The following ERAP1 variants were observed in gnomAD, a reference collection of about 807,000 sequenced individuals.
The protein encoded by ERAP1 is endoplasmic reticulum aminopeptidase 1.
ERAP1 carries 86 observed loss-of-function variants against 103.7 expected under a neutral mutation model. The observed-to-expected ratio is 0.83, with a 90% CI of 0.70 to 0.99. ERAP1 has a LOEUF of 0.99. ERAP1 is among the 50% of genes least tolerant of loss of function. The probability of loss-of-function intolerance (pLI) is 0.00; values close to 1 mark genes in which losing one functional copy is unlikely to be tolerated. For missense variants in ERAP1, 1,009 were observed against 1,128.4 expected (o/e 0.89, Z 1.52); for synonymous variants, 398 against 402.4 (o/e 0.99, Z 0.13).
the ERAP1 span, among the ~76,000 whole-genome samples, chr5:96,887,374 C>T: frequency 6.7e-6 from 1 of 149,556 alleles, no homozygotes; most frequent in South Asian, 2.1e-4. Context: ...TATCTCGGCT[C>T]ACTGCAATCT....
chr5:96,881,315 TG>T, the ERAP1 span: 1 of 425,704 alleles, frequency 2.3e-6, no homozygotes, highest in Admixed American at 2.5e-5. Context: ...GCCAGGCTAG[TG>T]GCAGTGCTTA....
At chr5:96,869,331 C>T in the ERAP1 span, among the ~76,000 whole-genome samples, 1 of 152,024 alleles carries the variant, frequency 6.6e-6, no homozygotes, top group Non-Finnish European at 1.5e-5. Flanking sequence ...CACCCTCTAC[C>T]CTCCACTGAC....
At chr5:96,907,951 T>G in the ERAP1 span, among the ~76,000 whole-genome samples, 1 of 152,074 alleles carries the variant, frequency 6.6e-6, no homozygotes, top group Non-Finnish European at 1.5e-5. Context: ...CCTTCCGTCT[T>G]CAGGTGAAAT....
In ERAP1 at chr5:96,792,123, A is replaced by ACACAGG; in HGVS notation, c.1252_1257dup (p.Pro418_Val419dup). The ACACAGG allele has an allele frequency of 6.2e-7, 1 of 1,614,078 alleles. No individual in the cohort carries two copies. The highest frequency in any genetic ancestry group is 8.5e-7 in the Non-Finnish European group (1 of 1,179,922). On this transcript the variant is annotated inframe_insertion, in exon 8 of 19. Transcript: ENST00000443439. ...TGAGCAGGATTTTCCACAGGTGTAG[A>ACACAGG]CACAGGGTGTGAGGAATTTAAAGCA...
the ERAP1 span, among the ~76,000 whole-genome samples, chr5:96,929,790 G>A: frequency 2.6e-5 from 4 of 152,092 alleles, no homozygotes; most frequent in African/African-American, 9.7e-5. Flanking sequence ...TTCTTGGTTT[G>A]TAATCCTAAT....
the ERAP1 span, among the ~76,000 whole-genome samples, chr5:96,874,823 A>C: frequency 6.6e-6 from 1 of 152,268 alleles, no homozygotes; most frequent in Non-Finnish European, 1.5e-5. Context: ...AAACCACAGC[A>C]GGACAAGGCA....
chr5:96,784,070 G>C lies in ERAP1; in HGVS notation c.1954C>G (p.Leu652Val), dbSNP rs752700125. 6.2e-7 allele frequency: 1 copy of C among 1,614,112 alleles called. No individual in the cohort carries two copies. The highest frequency in any genetic ancestry group is 2.2e-5 in the East Asian group (1 of 44,874). ...AAATCCAAGGCCTTTTCAATGGACA[G>C]CTTCCCAATGCTGACCAAGAGACAC... ...NAFQLVSIGK[L>V]SIEKALDLSL... The change falls in exon 14 of 19, where the codon CTG becomes GTG. Residue 652 changes from leucine to valine, a missense_variant. Leu to Val is a conservative substitution (Grantham distance 32). Coordinates refer to ENST00000443439, the MANE Select transcript of ERAP1 (RefSeq NM_001040458.3).
chr5:96,912,912 T>C, the ERAP1 span: 1 of 810,036 alleles, frequency 1.2e-6, no homozygotes. Context: ...TCAGAATGTG[T>C]ATGGCTTTAA....
intron 19 of ERAP1, chr5:96,766,170 C>T (rs770268273): frequency 2.7e-5 from 34 of 1,245,180 alleles, no homozygotes; most frequent in Non-Finnish European, 3.6e-5. Context: ...ATTGCTAGAT[C>T]GGATTTATGC....
intron 14 of ERAP1, 81 bp from the exon 15 acceptor site, chr5:96,783,316 T>C: frequency 1.5e-6 from 2 of 1,305,144 alleles, no homozygotes; most frequent in Non-Finnish European, 2.1e-6. Flanking sequence ...TGGTCTCAGA[T>C]GATGGGGGCT....
chr5:96,792,026 T>C, intron 8 of ERAP1, 35 bp downstream of exon 8: 1 of 1,612,034 alleles, frequency 6.2e-7, no homozygotes, highest in Non-Finnish European at 8.5e-7. Flanking sequence ...AACTTTAGTA[T>C]CTAAACTGTA....
chr5:96,805,440 T>C (rs1390023144), intron 1 of ERAP1, among the ~76,000 whole-genome samples: 2 of 151,784 alleles, frequency 1.3e-5, no homozygotes, highest in East Asian at 3.9e-4. Context: ...GCTTTCCCCC[T>C]TCAACTCTAT....
chr5:96,883,845 G>T, the ERAP1 span: 4 of 1,613,702 alleles, frequency 2.5e-6, no homozygotes, highest in South Asian at 4.4e-5. Context: ...GCTTTCCCTT[G>T]CTTTGATGAA....
upstream of ERAP1, among the ~76,000 whole-genome samples, chr5:96,810,403 C>T (rs1779084322): frequency 6.6e-6 from 1 of 152,172 alleles, no homozygotes; most frequent in South Asian, 2.1e-4. Context: ...TAAATGCTAG[C>T]TATGTGTGCA....
intron 17 of ERAP1, 46 bp downstream of exon 17, chr5:96,781,012 G>A: frequency 6.2e-7 from 1 of 1,610,640 alleles, no homozygotes; most frequent in Non-Finnish European, 8.5e-7. Flanking sequence ...AACACAGTAA[G>A]GTTATGAACT....
upstream of ERAP1, among the ~76,000 whole-genome samples, chr5:96,811,212 A>G (rs1779133762): frequency 6.6e-6 from 1 of 152,196 alleles, no homozygotes; most frequent in South Asian, 2.1e-4. Context: ...AACAAAAGCA[A>G]TACCATCTTA....
At chr5:96,926,356 A>G in the ERAP1 span, among the ~76,000 whole-genome samples, 2 of 152,206 alleles carry the variant, frequency 1.3e-5, no homozygotes, top group Non-Finnish European at 1.5e-5. Flanking sequence ...TTATAATTCA[A>G]TGGTTTTTAG....
chr5:96,766,172 G>T (rs1402086121), intron 19 of ERAP1: 1 of 1,235,152 alleles, frequency 8.1e-7, no homozygotes, highest in Non-Finnish European at 1.2e-6. Context: ...TGCTAGATCG[G>T]ATTTATGCTA....
chr5:96,913,497 A>T, the ERAP1 span: 1 of 1,608,144 alleles, frequency 6.2e-7, no homozygotes, highest in Non-Finnish European at 8.5e-7. Context: ...TCTTCCATGC[A>T]GATGTCTCAG....
Sources: gnomAD v4.1 joint callset for allele counts (sites outside exome capture counted in the v4.1 genomes callset) on GRCh38, gnomAD v4.1.1 for gene constraint, MANE v1.5 for transcripts, NCBI Gene and HGNC (gene_info 2026-07-23, HGNC 2026-07-21) for gene names.